PLPBP: variants seen among roughly 807,000 people sequenced by gnomAD.
PLPBP encodes the protein pyridoxal phosphate binding protein, also known as pyridoxal phosphate homeostasis protein.
In PLPBP, 21 loss-of-function variants were observed where a neutral mutation model predicts 31.2. The observed-to-expected ratio is 0.67, with a 90% CI of 0.48 to 0.97. PLPBP has a LOEUF of 0.97. PLPBP is among the 50% of genes least tolerant of loss of function. PLPBP has a pLI of 0.00. For synonymous variants in PLPBP, 124 were observed against 135.6 expected (o/e 0.91, Z 0.59); for missense variants, 308 against 354.4 (o/e 0.87, Z 1.05).
chr8:37,763,000 A>G (rs1803522746), intron 1 of PLPBP, among the ~76,000 whole-genome samples: 1 of 152,080 alleles, frequency 6.6e-6, no homozygotes, highest in Non-Finnish European at 1.5e-5. Flanking sequence ...AAAATGACTT[A>G]GTGCCTAGGT....
chr8:37,763,437 C>A (rs967941290), intron 1 of PLPBP, among the ~76,000 whole-genome samples: 2 of 152,192 alleles, frequency 1.3e-5, no homozygotes, highest in Non-Finnish European at 2.9e-5. Context: ...ACAGAGAGGT[C>A]ACAGGTTTCT....
chr8:37,775,358 T>C lies in PLPBP; in HGVS notation c.474T>C (p.Pro158=), dbSNP rs776024819. Residue 158 remains proline (P), a synonymous_variant, in exon 6 of 8, where the codon CCT becomes CCC. Coordinates refer to ENST00000328195, the MANE Select transcript of PLPBP (RefSeq NM_007198.4). The part of the protein sequence containing the change: ...SGEESKHGLP[P]SETIAIVEHI... ...TTGAAGGTAAACATGGCCTTCCACCTTCAGAGACCATAGCCATCGTGGAGC... is the reference window on the plus strand; with the variant it reads ...TTGAAGGTAAACATGGCCTTCCACCCTCAGAGACCATAGCCATCGTGGAGC... The C allele has an allele frequency of 4.3e-6, 7 of 1,614,222 alleles. No homozygotes were observed. In the South Asian group the frequency reaches 7.7e-5, roughly 18 times the overall value.
At position 37,775,462 on chromosome 8, in the gene PLPBP, G is replaced by GACC; in HGVS notation, c.580_582dup (p.Pro194dup). 3.7e-6 allele frequency: 6 copies of GACC among 1,614,076 alleles called. No individual in the cohort carries two copies. The highest frequency in any genetic ancestry group is 4.2e-6 in the Non-Finnish European group (5 of 1,180,042). On this transcript the variant is annotated inframe_insertion, in exon 6 of 8. Coordinates refer to ENST00000328195, the MANE Select transcript of PLPBP (RefSeq NM_007198.4). ...AGCTTTGGGCATGATCTTAGTCAAG[G>GACC]ACCAAATCCAGACTTCCAGGTACTG...
chr8:37,777,095 AACAATCTTATATGT>A (rs1803932873), intron 7 of PLPBP, among the ~76,000 whole-genome samples: 1 of 151,906 alleles, frequency 6.6e-6, no homozygotes, highest in African/African-American at 2.4e-5. Flanking sequence ...TAGATTCACC[AACAATCTTATATGT>A]ACATCAACAG....
At chr8:37,773,615 C>T (rs946997392) in intron 5 of PLPBP, among the ~76,000 whole-genome samples, 11 of 152,000 alleles carry the variant, frequency 7.2e-5, no homozygotes, top group African/African-American at 1.9e-4. Flanking sequence ...ATTACAGGCA[C>T]GCGCTACCAC....
chr8:37,775,628 G>C, intron 6 of PLPBP, 147 bp downstream of exon 6: 1 of 1,281,570 alleles, frequency 7.8e-7, no homozygotes, highest in Non-Finnish European at 1.1e-6. Context: ...CTTCTCAGAA[G>C]GAAAAGGGAA....
In PLPBP at chr8:37,776,494, A is replaced by C. The variant is rs765015989; in HGVS notation, c.696+478A>C. On this transcript the variant is annotated intron_variant, in intron 7 of 7. Transcript: ENST00000328195. ...ACTCCATCTCAAAAAAAAAAAAAAA[A>C]AAAAAAAAACAAAAGAAAGAAAAGA... is the stretch of plus-strand genomic sequence containing the variant. 1.4e-3 allele frequency among the ~76,000 whole-genome samples: 211 copies of C among 150,680 alleles called. 1 individual carries two copies. Among genetic ancestry groups the C allele is most frequent in the Non-Finnish European group, 2.0e-3 (137 of 67,586 alleles).
chr8:37,767,799 CTTTTT>C (rs1175107737), intron 4 of PLPBP, among the ~76,000 whole-genome samples: 1 of 98,930 alleles, frequency 1.0e-5, no homozygotes, highest in South Asian at 3.3e-4. Flanking sequence ...CTTTTATTTA[CTTTTT>C]TTTTTTTTTT....
At chr8:37,763,238 G>T (rs1803531679) in intron 1 of PLPBP, among the ~76,000 whole-genome samples, 1 of 152,210 alleles carries the variant, frequency 6.6e-6, no homozygotes, top group Admixed American at 6.5e-5. Context: ...GCCGGACTTC[G>T]CTGGCATCAG....
At chr8:37,763,419 G>A (rs1243863371) in intron 1 of PLPBP, among the ~76,000 whole-genome samples, 1 of 152,162 alleles carries the variant, frequency 6.6e-6, no homozygotes, top group Non-Finnish European at 1.5e-5. Flanking sequence ...GGAATGAGAC[G>A]GACCTTAACA....
At chr8:37,769,046 A>C (rs1803709055) in intron 4 of PLPBP, among the ~76,000 whole-genome samples, 1 of 152,156 alleles carries the variant, frequency 6.6e-6, no homozygotes, top group Non-Finnish European at 1.5e-5. Context: ...CATAAAAAAA[A>C]CAACTAGGCC....
Position 37,769,247 on chromosome 8 carries a change from G to A in PLPBP, c.319+2892G>A, listed in dbSNP as rs568572379. Among the ~76,000 whole-genome samples, 14 of 152,034 alleles carry A rather than the reference G, an allele frequency of 9.2e-5. No individual in the cohort carries two copies. In the South Asian group the frequency reaches 2.5e-3, roughly 27 times the overall value. ...GCTACCTGGGAGGCTGAGGTAGGAC[G>A]ATCACCTGAGTCCAAAAGGTTAAGC... is the stretch of plus-strand genomic sequence containing the variant. On this transcript the variant is annotated intron_variant, in intron 4 of 7. Coordinates refer to ENST00000328195, the MANE Select transcript of PLPBP (RefSeq NM_007198.4).
intron 1 of PLPBP, among the ~76,000 whole-genome samples, chr8:37,765,235 C>G (rs942179325): frequency 3.9e-5 from 6 of 152,210 alleles, no homozygotes; most frequent in African/African-American, 1.2e-4. Flanking sequence ...AAAGACCACA[C>G]TTACAGGAAA....
At chr8:37,777,723 G>A (rs1375567012) in intron 7 of PLPBP, among the ~76,000 whole-genome samples, 1 of 152,134 alleles carries the variant, frequency 6.6e-6, no homozygotes, top group Non-Finnish European at 1.5e-5. Context: ...ACAGGCATGT[G>A]CCACTATGCC....
At position 37,762,676 on chromosome 8, in the gene PLPBP, G is replaced by A; in HGVS notation, c.17G>A (p.Ser6Asn). Residue 6 changes from serine (S) to asparagine (N), a missense_variant, in exon 1 of 8, where the codon AGC (serine) becomes AAC (asparagine). Coordinates refer to ENST00000328195, the MANE Select transcript of PLPBP (RefSeq NM_007198.4). MWRAG[S>N]MSAELGVGCA... ...CCCCGGGGGATGTGGAGAGCTGGCA[G>A]CATGTCGGCCGAGCTGGGAGTCGGG... is the stretch of plus-strand genomic sequence containing the variant. The A allele has an allele frequency of 6.3e-7, 1 of 1,586,794 alleles. No homozygotes were observed.
Position 37,770,753 on chromosome 8 carries a change from T to C in PLPBP, c.320-2002T>C, listed in dbSNP as rs562123255. Among the ~76,000 whole-genome samples the C allele has an allele frequency of 1.3e-3, 203 of 151,320 alleles. 2 individuals are homozygous for C. The highest frequency in any genetic ancestry group is 4.5e-3 in the African/African-American group (187 of 41,494). On this transcript the variant is annotated intron_variant, in intron 4 of 7. Coordinates refer to ENST00000328195, the MANE Select transcript of PLPBP (RefSeq NM_007198.4). ...CCACCATGCTGGCTAATTTTTGTAT[T>C]TTTGGTAAAGACGGGGTTTCACCAT...
intron 1 of PLPBP, among the ~76,000 whole-genome samples, chr8:37,764,071 C>CT (rs111913973): frequency 0.074 from 9,372 of 126,838 alleles, 364 homozygotes; most frequent in African/African-American, 0.12. Flanking sequence ...TCTTTTCTTT[C>CT]TTTTTTTTTT....
intron 1 of PLPBP, 28 bp from the exon 2 acceptor site, chr8:37,765,498 A>G (rs1803599938): frequency 6.3e-7 from 1 of 1,595,528 alleles, no homozygotes; most frequent in African/African-American, 1.3e-5. Flanking sequence ...CCAAACATTC[A>G]CTCATATGGC....
chr8:37,777,961 T>A lies in PLPBP; in HGVS notation c.697-12T>A. The A allele has an allele frequency of 6.2e-7, 1 of 1,607,996 alleles. No individual in the cohort carries two copies. The highest frequency in any genetic ancestry group is 8.5e-7 in the Non-Finnish European group (1 of 1,175,698). On this transcript the variant is annotated splice_polypyrimidine_tract_variant and intron_variant, in intron 7 of 7. Coordinates refer to ENST00000328195, the MANE Select transcript of PLPBP (RefSeq NM_007198.4). ...AAACCTGGTCCTCGATACCTTCTCT[T>A]TTTTCCCACAGGTTGAAGTAGGATC...
Sources: allele counts gnomAD v4.1 joint callset (sites outside exome capture counted in the v4.1 genomes callset), GRCh38; gene constraint gnomAD v4.1.1; transcripts MANE v1.5; gene names NCBI Gene and HGNC (gene_info 2026-07-23, HGNC 2026-07-21).